SLC22A9: variants seen among roughly 807,000 people sequenced by gnomAD.
SLC22A9 encodes solute carrier family 22 member 9.
Under a neutral mutation model 50.1 loss-of-function variants are expected in SLC22A9, and 64 were observed. The observed-to-expected ratio is 1.28, with a 90% confidence interval of 1.04 to 1.57. The LOEUF is 1.57. Among genes scored for constraint, SLC22A9 ranks in the 40% most tolerant of loss-of-function variants. The probability of loss-of-function intolerance (pLI) is 0.00; values close to 1 mark genes in which losing one functional copy is unlikely to be tolerated. For synonymous variants in SLC22A9, 261 were observed against 242.5 expected (o/e 1.08, Z -0.71); for missense variants, 757 against 676.1 (o/e 1.12, Z -1.33).
At chr11:63,386,826 TTTTG>T (rs2014677531) in intron 6 of SLC22A9, among the ~76,000 whole-genome samples, 1 of 151,542 alleles carries the variant, frequency 6.6e-6, no homozygotes, top group African/African-American at 2.4e-5. Flanking sequence ...TTGTTGATGA[TTTTG>T]TTTTTTTGTT....
intron 7 of SLC22A9, among the ~76,000 whole-genome samples, chr11:63,407,853 G>T (rs1448082461): frequency 1.3e-5 from 2 of 152,162 alleles, no homozygotes; most frequent in Non-Finnish European, 2.9e-5. Context: ...CCTCTCTCTT[G>T]CTATGGCATA....
intron 6 of SLC22A9, among the ~76,000 whole-genome samples, chr11:63,388,117 A>C (rs1486530259): frequency 1.3e-5 from 2 of 152,128 alleles, no homozygotes; most frequent in East Asian, 1.9e-4. Flanking sequence ...TCTGCAAACA[A>C]GAATAATTTG....
Position 63,370,192 on chromosome 11 carries a change from G to A in SLC22A9, c.136G>A (p.Gly46Ser), listed in dbSNP as rs1162680882. 2 of 1,613,980 alleles carry A rather than the reference G, an allele frequency of 1.2e-6. No homozygotes were observed. The highest frequency in any genetic ancestry group is 1.1e-5 in the South Asian group (1 of 91,078). The change falls in exon 1 of 10, where the codon GGC becomes AGC. Residue 46 changes from glycine to serine, a missense_variant. Gly to Ser is a moderately conservative substitution (Grantham distance 56, BLOSUM62 0). Transcript: ENST00000279178. Reference protein sequence around the residue: ...MLENFTAFIPGHRCWVHILDN... With the variant: ...MLENFTAFIPSHRCWVHILDN... ...GGAGAACTTCACTGCATTCATACCT[G>A]GCCATCGCTGCTGGGTCCACATCCT...
At chr11:63,399,258 G>A (rs567230157) in intron 6 of SLC22A9, among the ~76,000 whole-genome samples, 2 of 152,232 alleles carry the variant, frequency 1.3e-5, no homozygotes, top group South Asian at 2.1e-4. Flanking sequence ...ACATGAAATA[G>A]CTGAATGGGT....
rs899927820 is a variant in SLC22A9 at position 63,408,030 on chromosome 11, A to G, written c.1289-82A>G. ...TTTAACCCTTGCAAACACCTCCAAT[A>G]CAGTCCTTTTCACTTCTACCTTGGG... On this transcript the variant is annotated intron_variant, in intron 7 of 9. Transcript: ENST00000279178. 2.3e-5 allele frequency: 26 copies of G among 1,123,248 alleles called. No homozygotes were observed. In the South Asian group the frequency reaches 3.2e-4, roughly 14 times the overall value. 69.6% of individuals were successfully genotyped at this position (1,123,248 alleles called of 1,614,324 possible).
chr11:63,382,150 T>C lies in SLC22A9; in HGVS notation c.955-9T>C, dbSNP rs757667057. 2.6e-5 allele frequency: 41 copies of C among 1,598,502 alleles called. No individual in the cohort carries two copies. The highest frequency in any genetic ancestry group is 3.3e-5 in the Non-Finnish European group (39 of 1,171,772). ...ACTGTACAGTTTATTGTTTCTGCTA[T>C]TGTTGAAGATTTTGAAATCCACCAT... is the stretch of plus-strand genomic sequence containing the variant. On this transcript the variant is annotated splice_polypyrimidine_tract_variant and intron_variant, in intron 5 of 9. Transcript: ENST00000279178.
At chr11:63,373,572 G>A in intron 2 of SLC22A9, 72 bp from the exon 3 acceptor site, 5 of 1,407,396 alleles carry the variant, frequency 3.6e-6, no homozygotes, top group East Asian at 2.5e-5. Flanking sequence ...GTTTCAAAGT[G>A]TGCCTTCTCT....
intron 6 of SLC22A9, among the ~76,000 whole-genome samples, chr11:63,392,828 T>G (rs181882226): frequency 6.6e-6 from 1 of 152,154 alleles, no homozygotes; most frequent in Non-Finnish European, 1.5e-5. Context: ...ATTCTCATTT[T>G]TTAAAATTCT....
intron 5 of SLC22A9, among the ~76,000 whole-genome samples, chr11:63,381,464 C>T (rs923985650): frequency 2.0e-5 from 3 of 152,110 alleles, no homozygotes; most frequent in African/African-American, 7.2e-5. Flanking sequence ...ATATAGGGTG[C>T]AGCCCAGAAA....
chr11:63,390,075 G>T (rs1006901300), intron 6 of SLC22A9, among the ~76,000 whole-genome samples: 9 of 152,036 alleles, frequency 5.9e-5, no homozygotes, highest in Non-Finnish European at 1.3e-4. Flanking sequence ...CTGGATATTA[G>T]GCCTTTGTCA....
chr11:63,389,216 C>T (rs1417024925), intron 6 of SLC22A9, among the ~76,000 whole-genome samples: 1 of 151,696 alleles, frequency 6.6e-6, no homozygotes, highest in Non-Finnish European at 1.5e-5. Context: ...GCAGAACATG[C>T]AGGTTTGTTT....
chr11:63,398,419 C>G (rs999436655), intron 6 of SLC22A9, among the ~76,000 whole-genome samples: 1 of 152,136 alleles, frequency 6.6e-6, no homozygotes, highest in African/African-American at 2.4e-5. Context: ...GTCCTTGTAG[C>G]CAAGACTGTC....
intron 6 of SLC22A9, among the ~76,000 whole-genome samples, chr11:63,388,480 A>C (rs491983): frequency 6.6e-6 from 1 of 152,046 alleles, no homozygotes; most frequent in Non-Finnish European, 1.5e-5. Flanking sequence ...CATGCTAACC[A>C]ATATGCATAT....
At position 63,408,122 on chromosome 11, in the gene SLC22A9, G is replaced by A. The variant is rs780638299; in HGVS notation, c.1299G>A (p.Thr433=). The change falls in exon 8 of 10, where the codon ACG becomes ACA. Residue 433 remains threonine, a synonymous_variant. Coordinates refer to ENST00000279178, the MANE Select transcript of SLC22A9 (RefSeq NM_080866.3). ...AIIFVPQEMQ[T]LREVLATLGL... ...TCTTCCTTTCTCCAGAAATGCAGAC[G>A]CTGCGTGAGGTTTTGGCAACACTGG... 7.4e-6 allele frequency: 12 copies of A among 1,613,086 alleles called. No individual in the cohort carries two copies. Among genetic ancestry groups the A allele is most frequent in the Middle Eastern group, 3.3e-4 (2 of 6,074 alleles).
chr11:63,381,059 T>A (rs2014552939), intron 5 of SLC22A9, among the ~76,000 whole-genome samples: 1 of 152,122 alleles, frequency 6.6e-6, no homozygotes, highest in Non-Finnish European at 1.5e-5. Context: ...AAATTTGAAT[T>A]TATTATTTTA....
Position 63,369,902 on chromosome 11 carries a change from C to A in SLC22A9, c.-155C>A. 1 of 709,204 alleles carries A rather than the reference C, an allele frequency of 1.4e-6. No individual in the cohort carries two copies. Among genetic ancestry groups the A allele is most frequent in the South Asian group, 2.3e-5 (1 of 44,144 alleles). The allele number at this position is 709,204 out of a possible 1,614,324, so 43.9% of individuals were successfully genotyped here. Reference sequence around the variant, plus strand: ...GACTTGAGGAAACTGTTTCCACGGTCCTGCTGCAGAGGGGAAGCACAGTCG... The same window carrying A: ...GACTTGAGGAAACTGTTTCCACGGTACTGCTGCAGAGGGGAAGCACAGTCG... On this transcript the variant is annotated 5_prime_UTR_variant, in exon 1 of 10. Transcript: ENST00000279178.
intron 6 of SLC22A9, among the ~76,000 whole-genome samples, chr11:63,396,647 C>T (rs570664445): frequency 1.8e-4 from 27 of 152,170 alleles, no homozygotes; most frequent in East Asian, 3.8e-4. Context: ...CTAAAATTCA[C>T]GATGCAAGCC....
chr11:63,407,591 A>G (rs1366084220), intron 7 of SLC22A9, among the ~76,000 whole-genome samples: 1 of 152,074 alleles, frequency 6.6e-6, no homozygotes, highest in African/African-American at 2.4e-5. Flanking sequence ...CGAGGTCCTT[A>G]TTCCTAATCC....
chr11:63,393,304 A>G (rs1388625252), intron 6 of SLC22A9, among the ~76,000 whole-genome samples: 3 of 152,154 alleles, frequency 2.0e-5, no homozygotes, highest in Admixed American at 1.3e-4. Flanking sequence ...CTGTTGGTGT[A>G]TAGAAGAGCA....
Sources: gnomAD v4.1 joint callset for allele counts (sites outside exome capture counted in the v4.1 genomes callset) on GRCh38, gnomAD v4.1.1 for gene constraint, MANE v1.5 for transcripts, NCBI Gene and HGNC (gene_info 2026-07-23, HGNC 2026-07-21) for gene names.